CFAP47: variants seen among roughly 807,000 people sequenced by gnomAD.
CFAP47 encodes cilia- and flagella-associated protein 47.
Under a neutral mutation model 148.1 loss-of-function variants are expected in CFAP47, and 29 were observed. The ratio of observed to expected loss-of-function variants is 0.20; its 90% CI spans 0.15 to 0.27. The LOEUF is 0.27. CFAP47 is among the 10% of genes least tolerant of loss of function. The probability of loss-of-function intolerance (pLI) is 1.00; values close to 1 mark genes in which losing one functional copy is unlikely to be tolerated. For missense variants in CFAP47, 1,872 were observed against 1,697.5 expected, an observed-to-expected ratio of 1.10 and a Z score of -1.81; for synonymous variants, 664 against 577.3, an observed-to-expected ratio of 1.15 and a Z score of -2.15.
intron 63 of CFAP47, among the ~76,000 whole-genome samples, chrX:36,382,959 T>A (rs1250365958): frequency 1.8e-5 from 2 of 111,537 alleles, no homozygotes; most frequent in African/African-American, 3.3e-5. Flanking sequence ...TTAAATTTTT[T>A]AAAATATACA....
At chrX:35,944,276 T>A (rs1478697853) in intron 3 of CFAP47, among the ~76,000 whole-genome samples, 1 of 111,489 alleles carries the variant, frequency 9.0e-6, no homozygotes, top group Non-Finnish European at 1.9e-5. Flanking sequence ...AATTCTTGTC[T>A]TCAATTTTTT....
chrX:35,925,139 G>A (rs1268265405), intron 1 of CFAP47, among the ~76,000 whole-genome samples: 9 of 111,549 alleles, frequency 8.1e-5, no homozygotes, highest in Non-Finnish European at 1.3e-4. Context: ...TTGGGAGGCC[G>A]AGACAGGTGG....
chrX:36,180,260 GATTGTTTTA>G (rs1299750326), intron 40 of CFAP47, among the ~76,000 whole-genome samples: 1 of 22,180 alleles, frequency 4.5e-5, no homozygotes, highest in Non-Finnish European at 3.1e-4. Context: ...TAAAAAAATT[GATTGTTTTA>G]TGTTGCTCCT....
chrX:36,166,101 G>A (rs1016976500), intron 39 of CFAP47, among the ~76,000 whole-genome samples: 6 of 110,962 alleles, frequency 5.4e-5, no homozygotes, highest in African/African-American at 2.0e-4. Context: ...TCATTTGTTC[G>A]CATGGATTGT....
intron 54 of CFAP47, among the ~76,000 whole-genome samples, chrX:36,305,696 A>G (rs1355311172): frequency 8.9e-6 from 1 of 111,874 alleles, no homozygotes; most frequent in Non-Finnish European, 1.9e-5. Flanking sequence ...ATTTATATCC[A>G]TGGAGAGAAT....
intron 58 of CFAP47, among the ~76,000 whole-genome samples, chrX:36,349,017 A>G (rs1263415590): frequency 4.5e-5 from 5 of 111,392 alleles, no homozygotes; most frequent in African/African-American, 1.6e-4. Context: ...CTTATAGTCA[A>G]GATTGGCTAC....
intron 48 of CFAP47, among the ~76,000 whole-genome samples, chrX:36,241,315 C>T (rs1162688127): frequency 1.8e-5 from 2 of 111,782 alleles, no homozygotes; most frequent in African/African-American, 3.3e-5. Flanking sequence ...GGAGTGCAGC[C>T]GTAAGTGTCC....
intron 60 of CFAP47, among the ~76,000 whole-genome samples, chrX:36,355,253 T>A (rs894688760): frequency 9.0e-6 from 1 of 111,107 alleles, no homozygotes; most frequent in Admixed American, 9.6e-5. Context: ...CCCTTGAACA[T>A]TGTTGGTAGG....
At chrX:36,265,301 C>A (rs142172007) in intron 49 of CFAP47, among the ~76,000 whole-genome samples, 51 of 111,852 alleles carry the variant, frequency 4.6e-4, no homozygotes, top group African/African-American at 1.7e-3. Context: ...TTCTGGAAGC[C>A]TTCTGGTGGT....
intron 13 of CFAP47, among the ~76,000 whole-genome samples, chrX:35,973,356 A>T (rs898670080): frequency 9.1e-6 from 1 of 109,889 alleles, no homozygotes; most frequent in African/African-American, 3.3e-5. Flanking sequence ...CACCTGGCTA[A>T]TTTTTTGTAT....
At chrX:36,288,734 C>T (rs1941159472) in intron 51 of CFAP47, among the ~76,000 whole-genome samples, 1 of 111,210 alleles carries the variant, frequency 9.0e-6, no homozygotes, top group African/African-American at 3.3e-5. Flanking sequence ...AGCATCCATA[C>T]AAAACAACAC....
At chrX:36,382,844 G>A (rs1350528279) in intron 63 of CFAP47, among the ~76,000 whole-genome samples, 2 of 111,018 alleles carry the variant, frequency 1.8e-5, no homozygotes, top group African/African-American at 3.3e-5. Context: ...TCTATGAGAT[G>A]TTAGTAATAT....
In CFAP47 at chrX:35,971,777, G is replaced by A. The variant is rs776363849; in HGVS notation, c.2157+5G>A. 5 of 1,201,828 alleles carry A rather than the reference G, an allele frequency of 4.2e-6. No homozygotes were observed. The highest frequency in any genetic ancestry group is 3.0e-5 in the East Asian group (1 of 33,706). On this transcript the variant is annotated splice_donor_5th_base_variant and intron_variant, in intron 12 of 63. Coordinates refer to ENST00000378653, the MANE Select transcript of CFAP47 (RefSeq NM_001304548.2). ...GAAGAGTCTGTGAGAAGAAAGGCACGTGCAATGTTTTACATTTGGTTATTC... is the reference window on the plus strand; with the variant it reads ...GAAGAGTCTGTGAGAAGAAAGGCACATGCAATGTTTTACATTTGGTTATTC...
At chrX:36,300,433 G>T (rs1381830357) in intron 52 of CFAP47, among the ~76,000 whole-genome samples, 2 of 110,230 alleles carry the variant, frequency 1.8e-5, no homozygotes, top group African/African-American at 6.6e-5. Flanking sequence ...GGGATTACAG[G>T]TGACCGCCAC....
At chrX:36,030,315 T>G (rs1196970549) in intron 22 of CFAP47, among the ~76,000 whole-genome samples, 1 of 111,664 alleles carries the variant, frequency 9.0e-6, no homozygotes, top group Non-Finnish European at 1.9e-5. Flanking sequence ...CTCTAAATGG[T>G]GAAGTAATAT....
chrX:36,295,765 T>G (rs1369527086), intron 51 of CFAP47, among the ~76,000 whole-genome samples: 1 of 112,156 alleles, frequency 8.9e-6, no homozygotes, highest in Non-Finnish European at 1.9e-5. Flanking sequence ...ATTCATTATG[T>G]TAAAGGTGTC....
rs1052176120 is a variant in CFAP47 at position 36,090,491 on chromosome X, A to G, written c.4916+4953A>G. On this transcript the variant is annotated intron_variant, in intron 30 of 63. Transcript: ENST00000378653. ...AGCTCCCAGTAGTGTTGACATTAAC[A>G]TGGGTCATTTGTGTTATGACATTTT... Among the ~76,000 whole-genome samples, 4 of 111,682 alleles carry G rather than the reference A, an allele frequency of 3.6e-5. No homozygotes were observed. In the South Asian group the frequency reaches 1.5e-3, roughly 41 times the overall value.
chrX:35,980,738 C>G (rs1057256394), intron 15 of CFAP47, among the ~76,000 whole-genome samples: 7 of 110,689 alleles, frequency 6.3e-5, no homozygotes, highest in African/African-American at 2.3e-4. Context: ...CCAACAGGAC[C>G]CTCATTTTGT....
intron 29 of CFAP47, among the ~76,000 whole-genome samples, chrX:36,085,030 A>G (rs763854221): frequency 9.0e-6 from 1 of 111,348 alleles, no homozygotes; most frequent in African/African-American, 3.2e-5. Flanking sequence ...TTCAATCTCT[A>G]TTCTGTTTCT....
Sources: gnomAD v4.1 joint callset for allele counts (sites outside exome capture counted in the v4.1 genomes callset) on GRCh38, gnomAD v4.1.1 for gene constraint, MANE v1.5 for transcripts, NCBI Gene and HGNC (gene_info 2026-07-23, HGNC 2026-07-21) for gene names.